DYRK4: variants seen among roughly 807,000 people sequenced by gnomAD.
DYRK4 encodes dual specificity tyrosine-phosphorylation-regulated kinase 4.
DYRK4 carries 64 observed loss-of-function variants against 68.3 expected under a neutral mutation model. That is an observed-to-expected ratio of 0.94 (90% CI 0.77 to 1.15). The LOEUF (loss-of-function observed/expected upper bound fraction) is 1.15. Ranked by LOEUF, DYRK4 falls within the 50% of genes most tolerant of loss-of-function variation. The pLI, the probability that DYRK4 is intolerant of heterozygous loss-of-function variation, is 0.00. For missense variants in DYRK4, 740 were observed against 764.7 expected (o/e 0.97, Z 0.38); for synonymous variants, 274 against 289.9 (o/e 0.95, Z 0.56).
chr12:4,593,776 G>A (rs1045327388), intron 6 of DYRK4, among the ~76,000 whole-genome samples: 1 of 152,222 alleles, frequency 6.6e-6, no homozygotes. Context: ...GTTGGGATGT[G>A]TGCTGCTTAG....
intron 2 of DYRK4, 50 bp downstream of exon 2, chr12:4,568,098 C>G: frequency 6.7e-7 from 1 of 1,485,836 alleles, no homozygotes; most frequent in Non-Finnish European, 9.1e-7. Context: ...ATTGCGAGGT[C>G]CTAGGGACTC....
intron 2 of DYRK4, among the ~76,000 whole-genome samples, chr12:4,572,321 G>A (rs760581342): frequency 1.3e-5 from 2 of 151,970 alleles, no homozygotes; most frequent in Non-Finnish European, 2.9e-5. Flanking sequence ...TGGCTCTGTC[G>A]CCCAGGCTGG....
Position 4,613,551 on chromosome 12 carries a change from A to G in DYRK4, c.1703A>G (p.Asp568Gly). The G allele has an allele frequency of 6.2e-7, 1 of 1,614,064 alleles. No homozygotes were observed. ...ITKETTEKTKDSPTKHVQHSG... is the reference protein window; with the variant it reads ...ITKETTEKTKGSPTKHVQHSG... Reference sequence around the variant, plus strand: ...AAAGAGACTACAGAGAAAACAAAAGATAGCCCCACGAAGCATGTTCAGCAT... The same window carrying G: ...AAAGAGACTACAGAGAAAACAAAAGGTAGCCCCACGAAGCATGTTCAGCAT... The change falls in exon 15 of 15, where the codon GAT becomes GGT. Residue 568 changes from aspartate (D) to glycine (G), a missense_variant. Coordinates refer to ENST00000543431, the MANE Select transcript of DYRK4 (RefSeq NM_001394779.1). The surrounding 1 kb of genome is among the most constrained non-coding windows in gnomAD (Gnocchi z 4.0).
rs368812974 is a variant in DYRK4, at chr12:4,598,135, C to T, written c.906-893C>T. ...CTCACACCTGTAATCTCAGCATTTT[C>T]GGAGGCCAAGTTGGGAGGTCACTTG... On this transcript the variant is annotated intron_variant, in intron 8 of 14. Transcript: ENST00000543431. Among the ~76,000 whole-genome samples, 11 of 152,080 alleles carry T rather than the reference C, an allele frequency of 7.2e-5. No individual in the cohort carries two copies. The East Asian group carries it at 1.6e-3, about 21-fold the overall frequency.
rs1449375056 is a variant in DYRK4, at chr12:4,591,561, C to T, written c.463+263C>T. Reference sequence around the variant, plus strand: ...CCAATGCAGACAGAAGGAAGTGTCTCATTTGCCTAAGGAGCCCAGACACAA... The same window carrying T: ...CCAATGCAGACAGAAGGAAGTGTCTTATTTGCCTAAGGAGCCCAGACACAA... On this transcript the variant is annotated intron_variant, in intron 5 of 14. Transcript: ENST00000543431. The surrounding 1 kb of genome is among the most constrained non-coding windows in gnomAD (Gnocchi z 4.1). 2 of 429,404 alleles carry T rather than the reference C, an allele frequency of 4.7e-6. No homozygotes were observed. The highest frequency in any genetic ancestry group is 8.2e-6 in the Non-Finnish European group (2 of 243,634). The allele number at this position is 429,404 out of a possible 1,614,324, so 26.6% of individuals were successfully genotyped here.
At chr12:4,603,774 C>G (rs1591805395) in intron 10 of DYRK4, among the ~76,000 whole-genome samples, 2 of 152,326 alleles carry the variant, frequency 1.3e-5, no homozygotes, top group East Asian at 3.9e-4. Flanking sequence ...TGTATGTTTT[C>G]CCTTCTCAGA....
rs1224321089 is a variant in DYRK4, at chr12:4,593,161, T to A, written c.623T>A (p.Leu208Gln). 2 of 1,613,358 alleles carry A rather than the reference T, an allele frequency of 1.2e-6. No homozygotes were observed. Among genetic ancestry groups the A allele is most frequent in the Non-Finnish European group, 1.7e-6 (2 of 1,179,932 alleles). ...TSFDDEHGFY[L>Q]KVLHDHIAYR... The stretch of plus-strand genomic sequence containing the variant: ...TTTGATGATGAGCATGGCTTCTATC[T>A]GAAGGTGATGGGGGTGGGGGCCATG... Residue 208 changes from leucine to glutamine, a missense_variant, in exon 6 of 15, where the codon CTG (leucine) becomes CAG (glutamine). This residue lies in a region of DYRK4 where 614 missense variants were observed against 603.7 expected (regional missense o/e 1.02). Coordinates refer to ENST00000543431, the MANE Select transcript of DYRK4 (RefSeq NM_001394779.1).
intron 1 of DYRK4, among the ~76,000 whole-genome samples, chr12:4,562,853 C>CCG (rs10689238): frequency 6.7e-6 from 1 of 149,594 alleles, no homozygotes; most frequent in East Asian, 2.0e-4. Flanking sequence ...AGCTGCCACT[C>CCG]AGGAAATTCC....
chr12:4,582,528 T>C (rs1168407606), intron 2 of DYRK4, among the ~76,000 whole-genome samples: 1 of 152,122 alleles, frequency 6.6e-6, no homozygotes. Context: ...TAAAACAACC[T>C]TGTCTAACAA....
intron 8 of DYRK4, among the ~76,000 whole-genome samples, chr12:4,597,936 C>T (rs796878048): frequency 1.4e-4 from 22 of 152,134 alleles, no homozygotes; most frequent in African/African-American, 4.1e-4. Flanking sequence ...CGTGGTGGTG[C>T]GTGCCTGTAA....
At position 4,591,345 on chromosome 12, in the gene DYRK4, T is replaced by G. The variant is rs200048990; in HGVS notation, c.463+47T>G. 84 of 1,602,680 alleles carry G rather than the reference T, an allele frequency of 5.2e-5. No homozygotes were observed. The East Asian group carries it at 8.7e-4, about 17-fold the overall frequency. On this transcript the variant is annotated intron_variant, in intron 5 of 14. Coordinates refer to ENST00000543431, the MANE Select transcript of DYRK4 (RefSeq NM_001394779.1). The surrounding 1 kb of genome is among the most constrained non-coding windows in gnomAD (Gnocchi z 4.1). ...AGGGTGGGGAGGTGCTTATGGAAGG[T>G]CGGGGTGTTAAGAGCTAAGCTGCGC...
chr12:4,586,153 G>A (rs1428616665), intron 2 of DYRK4, among the ~76,000 whole-genome samples: 1 of 152,178 alleles, frequency 6.6e-6, no homozygotes, highest in Non-Finnish European at 1.5e-5. Context: ...AGGCTGGGAG[G>A]TTGAGGCTGC....
In DYRK4 at chr12:4,607,397, A is replaced by G. The variant is rs1229160652; in HGVS notation, c.1360+10A>G. The G allele has an allele frequency of 4.3e-6, 7 of 1,613,966 alleles. No individual in the cohort carries two copies. The highest frequency in any genetic ancestry group is 5.9e-6 in the Non-Finnish European group (7 of 1,179,968). ...AGACAGACATTCTTTGGTAAGTCCT[A>G]GTGTGTCTCATGAGGTGTCACAGGC... On this transcript the variant is annotated intron_variant, in intron 12 of 14. Transcript: ENST00000543431.
chr12:4,591,597 A>C lies in DYRK4; in HGVS notation c.463+299A>C. On this transcript the variant is annotated intron_variant, in intron 5 of 14. Coordinates refer to ENST00000543431, the MANE Select transcript of DYRK4 (RefSeq NM_001394779.1). The surrounding 1 kb of genome is among the most constrained non-coding windows in gnomAD (Gnocchi z 4.1). ...GGAGCCCAGACACAAGGCTCCTGTCATTTTATGGACCCAGGGGCCAGCGGG... is the reference window on the plus strand; with the variant it reads ...GGAGCCCAGACACAAGGCTCCTGTCCTTTTATGGACCCAGGGGCCAGCGGG... 2.9e-6 allele frequency: 1 copy of C among 340,836 alleles called. No homozygotes were observed. Among genetic ancestry groups the C allele is most frequent in the Non-Finnish European group, 5.3e-6 (1 of 187,272 alleles). The allele number at this position is 340,836 out of a possible 1,614,324, so 21.1% of individuals were successfully genotyped here.
chr12:4,567,028 A>ATGGC (rs1591782422), intron 1 of DYRK4, among the ~76,000 whole-genome samples: 1 of 152,216 alleles, frequency 6.6e-6, no homozygotes, highest in East Asian at 1.9e-4. Flanking sequence ...TATTTTTTAA[A>ATGGC]TGGCTGCATT....
chr12:4,569,039 A>T (rs982645514), intron 2 of DYRK4, among the ~76,000 whole-genome samples: 1 of 152,106 alleles, frequency 6.6e-6, no homozygotes, highest in Non-Finnish European at 1.5e-5. Flanking sequence ...CCTCCTATAA[A>T]TCACATATAT....
chr12:4,605,129 C>T (rs752261931), intron 11 of DYRK4, 43 bp downstream of exon 11: 3 of 1,571,046 alleles, frequency 1.9e-6, no homozygotes, highest in East Asian at 2.2e-5. Context: ...AGACCGTGGG[C>T]TTGGCCCTCA....
At chr12:4,604,306 A>C (rs1230669245) in intron 10 of DYRK4, among the ~76,000 whole-genome samples, 1 of 152,246 alleles carries the variant, frequency 6.6e-6, no homozygotes, top group Non-Finnish European at 1.5e-5. Flanking sequence ...TTATGTTCTG[A>C]CAATAACCAA....
At chr12:4,573,535 TA>T (rs1944753877) in intron 2 of DYRK4, among the ~76,000 whole-genome samples, 1 of 152,214 alleles carries the variant, frequency 6.6e-6, no homozygotes, top group African/African-American at 2.4e-5. Flanking sequence ...TAGTCACTTC[TA>T]TTGAAAGCTT....
Sources: allele counts gnomAD v4.1 joint callset (sites outside exome capture counted in the v4.1 genomes callset), GRCh38; gene constraint gnomAD v4.1.1; regional missense constraint gnomAD v4.1.1; non-coding constraint Gnocchi (gnomAD v3.1); transcripts MANE v1.5; gene names NCBI Gene and HGNC (gene_info 2026-07-23, HGNC 2026-07-21).